Variants in WDR35 observed in about 807,000 individuals in gnomAD.
The protein encoded by WDR35 is WD repeat-containing protein 35.
In WDR35, 118 loss-of-function variants were observed where a neutral mutation model predicts 158.3. The ratio of observed to expected loss-of-function variants is 0.75; its 90% CI spans 0.64 to 0.87. The LOEUF (loss-of-function observed/expected upper bound fraction) is 0.87, where lower values mean the gene tolerates loss of function less well. WDR35 is among the 40% of genes least tolerant of loss of function. The pLI is 0.00. For missense variants in WDR35, 1,263 were observed against 1,405.8 expected, an observed-to-expected ratio of 0.90 and a Z score of 1.62; for synonymous variants, 448 against 476.1, an observed-to-expected ratio of 0.94 and a Z score of 0.77.
Position 19,973,572 on chromosome 2 carries a change from C to A in WDR35, c.873G>T (p.Pro291=), listed in dbSNP as rs143780607. ...KDVNIVQFYT[P]FGEHLGTLKV... is the part of the protein sequence containing the mutation. ...ATTTGAATGCATTTACCTCACCAAA[C>A]GGAGTGTAAAACTGCACAATGTTCA... Residue 291 remains proline (P), a synonymous_variant, in exon 8 of 27, where the codon CCG becomes CCT. Transcript: ENST00000281405. 3 of 1,614,140 alleles carry A rather than the reference C, an allele frequency of 1.9e-6. No homozygotes were observed. The African/African-American group carries it at 4.0e-5, about 22-fold the overall frequency.
At position 19,933,402 on chromosome 2, in the gene WDR35, T is replaced by C. The variant is rs780582570; in HGVS notation, c.2657A>G (p.Gln886Arg). 1 of 1,612,748 alleles carries C rather than the reference T, an allele frequency of 6.2e-7. No individual in the cohort carries two copies. The highest frequency in any genetic ancestry group is 1.7e-5 in the Admixed American group (1 of 59,982). The part of the protein sequence containing the change: ...AAVDTCVHLN[Q>R]WNKAVELAKN... Reference sequence around the variant, plus strand: ...CAGACAGAAAGTTTCAGTTCCTACTTGGTTGAGATGTACGCAGGTATCTAC... The same window carrying C: ...CAGACAGAAAGTTTCAGTTCCTACTCGGTTGAGATGTACGCAGGTATCTAC... Residue 886 changes from glutamine (Q) to arginine (R), a missense_variant and splice_region_variant, in exon 22 of 27, where the codon CAA becomes CGA. Physicochemically the swap from Gln to Arg is conservative, Grantham distance 43. Transcript: ENST00000281405.
At chr2:19,964,570 G>C (rs1671784301) in intron 10 of WDR35, among the ~76,000 whole-genome samples, 1 of 151,582 alleles carries the variant, frequency 6.6e-6, no homozygotes, top group South Asian at 2.1e-4. Context: ...TTTTAGTAGA[G>C]ACAGGGTTTC....
intron 8 of WDR35, among the ~76,000 whole-genome samples, chr2:19,973,112 T>C (rs1230722786): frequency 6.6e-6 from 1 of 152,108 alleles, no homozygotes; most frequent in East Asian, 1.9e-4. Context: ...CTGATTACTT[T>C]GCAACAAATT....
At chr2:19,940,868 A>G (rs1044186856) in intron 17 of WDR35, among the ~76,000 whole-genome samples, 2 of 152,122 alleles carry the variant, frequency 1.3e-5, no homozygotes, top group African/African-American at 4.8e-5. Flanking sequence ...CTCCCCTAAA[A>G]GTTTCATTAT....
chr2:19,953,405 T>C (rs192075720), intron 12 of WDR35, among the ~76,000 whole-genome samples: 4 of 152,282 alleles, frequency 2.6e-5, no homozygotes, highest in Admixed American at 2.6e-4. Context: ...ACTTCTTCCA[T>C]ATGTGTGTCT....
chr2:19,980,322 A>G (rs1672344375), intron 4 of WDR35, among the ~76,000 whole-genome samples: 1 of 152,010 alleles, frequency 6.6e-6, no homozygotes, highest in Non-Finnish European at 1.5e-5. Flanking sequence ...AGGAACCAAT[A>G]TTAAATACAC....
At chr2:19,953,744 C>T (rs1671324737) in intron 12 of WDR35, 90 bp downstream of exon 12, 2 of 1,532,936 alleles carry the variant, frequency 1.3e-6, no homozygotes, top group African/African-American at 1.4e-5. Flanking sequence ...CAAGACACTA[C>T]AGTTATCAAG....
In WDR35 at chr2:19,936,491, C is replaced by G. The variant is rs866858097; in HGVS notation, c.2268-126G>C. The G allele has an allele frequency of 2.1e-6, 3 of 1,404,254 alleles. No homozygotes were observed. The Middle Eastern group carries it at 5.3e-4, about 250-fold the overall frequency. 87.0% of individuals were successfully genotyped at this position (1,404,254 alleles called of 1,614,324 possible). A position where few individuals can be genotyped will look rare whatever the true frequency, so the allele number is the denominator to read the frequency against. ...GCAGTGGACAATGTGACTCTCCAAA[C>G]ACTTTAGGAACTTAGCCTGACTAGC... On this transcript the variant is annotated intron_variant, in intron 19 of 26. Transcript: ENST00000281405.
intron 16 of WDR35, among the ~76,000 whole-genome samples, chr2:19,944,696 T>C (rs1426863916): frequency 1.3e-5 from 2 of 152,126 alleles, no homozygotes; most frequent in African/African-American, 4.8e-5. Flanking sequence ...ATCACAAAGA[T>C]CCTAAGACTT....
intron 9 of WDR35, among the ~76,000 whole-genome samples, chr2:19,968,959 G>T (rs1410209918): frequency 6.6e-6 from 1 of 152,200 alleles, no homozygotes; most frequent in African/African-American, 2.4e-5. Flanking sequence ...TCCCCTTTGG[G>T]TTTGGCCAAT....
chr2:19,985,934 C>G (rs758648824), intron 2 of WDR35, among the ~76,000 whole-genome samples: 5 of 140,602 alleles, frequency 3.6e-5, no homozygotes, highest in Non-Finnish European at 1.5e-5. Context: ...AAGCCTGACA[C>G]TGGCTAGAGT....
At position 19,974,985 on chromosome 2, in the gene WDR35, C is replaced by T. The variant is rs578232546; in HGVS notation, c.571-352G>A. On this transcript the variant is annotated intron_variant, in intron 6 of 26. Transcript: ENST00000281405. Reference sequence around the variant, plus strand: ...TAACCCTTGCTAAAAAACAAAACTGCCCCACCAGTAATCATACATCTATGA... The same window carrying T: ...TAACCCTTGCTAAAAAACAAAACTGTCCCACCAGTAATCATACATCTATGA... 7.2e-5 allele frequency among the ~76,000 whole-genome samples: 11 copies of T among 152,290 alleles called. No homozygotes were observed. The South Asian group carries it at 1.7e-3, about 23-fold the overall frequency.
At chr2:19,980,669 A>G in intron 4 of WDR35, 22 bp downstream of exon 4, 6 of 1,597,378 alleles carry the variant, frequency 3.8e-6, no homozygotes, top group Non-Finnish European at 5.2e-6. Context: ...AAAATTAAAT[A>G]ATCTCTCCTA....
intron 25 of WDR35, among the ~76,000 whole-genome samples, chr2:19,917,963 A>C (rs999549495): frequency 6.6e-6 from 1 of 152,222 alleles, no homozygotes; most frequent in Non-Finnish European, 1.5e-5. Context: ...GGTTGAAATG[A>C]AGGAAAAAAT....
intron 1 of WDR35, 112 bp downstream of exon 1, chr2:19,989,880 C>CGAA: frequency 6.5e-7 from 1 of 1,537,086 alleles, no homozygotes; most frequent in South Asian, 1.2e-5. Context: ...TGCGGAATGG[C>CGAA]GAAGCCACGA....
At chr2:19,987,428 A>C (rs1252970010) in intron 2 of WDR35, among the ~76,000 whole-genome samples, 4 of 152,198 alleles carry the variant, frequency 2.6e-5, no homozygotes, top group Non-Finnish European at 5.9e-5. Context: ...ATTTCAAAGA[A>C]TACTCCAGTC....
At chr2:19,959,402 G>C (rs886277603) in intron 11 of WDR35, among the ~76,000 whole-genome samples, 3 of 151,910 alleles carry the variant, frequency 2.0e-5, no homozygotes, top group Non-Finnish European at 2.9e-5. Flanking sequence ...ATAAACAAGA[G>C]ATATTTATGT....
intron 25 of WDR35, among the ~76,000 whole-genome samples, chr2:19,922,333 T>C (rs1478208642): frequency 6.6e-6 from 1 of 152,140 alleles, no homozygotes; most frequent in Non-Finnish European, 1.5e-5. Context: ...TGCCCATCAA[T>C]GATAGACTGG....
chr2:19,917,338 T>C (rs1478633530), intron 25 of WDR35, among the ~76,000 whole-genome samples: 1 of 152,172 alleles, frequency 6.6e-6, no homozygotes, highest in Non-Finnish European at 1.5e-5. Flanking sequence ...CCTCTTCTCC[T>C]ACAAAGGATC....
Sources: gnomAD v4.1 joint callset for allele counts (sites outside exome capture counted in the v4.1 genomes callset) on GRCh38, gnomAD v4.1.1 for gene constraint, MANE v1.5 for transcripts, NCBI Gene and HGNC (gene_info 2026-07-23, HGNC 2026-07-21) for gene names.